The following NRG3 variants were observed in gnomAD, a reference collection of about 807,000 sequenced individuals.
NRG3 encodes the protein pro-neuregulin-3, membrane-bound isoform.
In NRG3, 31 loss-of-function variants were observed where a neutral mutation model predicts 66.9. The ratio of observed to expected loss-of-function variants is 0.46; its 90% CI spans 0.35 to 0.63. The LOEUF (loss-of-function observed/expected upper bound fraction) is 0.63, where lower values mean the gene tolerates loss of function less well. NRG3 is among the 20% of genes least tolerant of loss of function. The pLI is 0.00. For missense variants in NRG3, 910 were observed against 878.9 expected, an observed-to-expected ratio of 1.04 and a Z score of -0.45; for synonymous variants, 393 against 359.4, an observed-to-expected ratio of 1.09 and a Z score of -1.06.
chr10:82,461,464 AT>A (rs1175864086), intron 2 of NRG3, among the ~76,000 whole-genome samples: 2 of 151,838 alleles, frequency 1.3e-5, no homozygotes, highest in Non-Finnish European at 2.9e-5. Context: ...CATCCCTCCT[AT>A]TTGCTTTTTC....
intron 2 of NRG3, among the ~76,000 whole-genome samples, chr10:82,627,394 C>A (rs2133687015): frequency 6.6e-6 from 1 of 152,096 alleles, no homozygotes. Flanking sequence ...TTTTAATTAG[C>A]ATCTTGACTG....
intron 1 of NRG3, among the ~76,000 whole-genome samples, chr10:82,148,913 G>A (rs952523662): frequency 6.6e-6 from 1 of 151,828 alleles, no homozygotes; most frequent in Non-Finnish European, 1.5e-5. Context: ...TGAATTTCAG[G>A]GAGCCAAACT....
chr10:82,712,481 A>G (rs2056731900), intron 2 of NRG3, among the ~76,000 whole-genome samples: 1 of 152,190 alleles, frequency 6.6e-6, no homozygotes, highest in African/African-American at 2.4e-5. Flanking sequence ...TTGGTTAGCA[A>G]AAGGTTATGA....
intron 1 of NRG3, among the ~76,000 whole-genome samples, chr10:81,947,395 A>G (rs1848942064): frequency 1.3e-5 from 2 of 152,140 alleles, no homozygotes. Flanking sequence ...GAGGTACACA[A>G]TTCAACTCAC....
intron 1 of NRG3, among the ~76,000 whole-genome samples, chr10:82,090,134 G>A (rs141058833): frequency 2.0e-4 from 31 of 152,180 alleles, no homozygotes; most frequent in African/African-American, 7.5e-4. Context: ...GACTACAGAC[G>A]CACGTTACCA....
At chr10:82,215,693 T>C (rs2075629568) in intron 1 of NRG3, among the ~76,000 whole-genome samples, 1 of 152,212 alleles carries the variant, frequency 6.6e-6, no homozygotes, top group Non-Finnish European at 1.5e-5. Flanking sequence ...AGACTTCTGT[T>C]GACAACACTA....
intron 1 of NRG3, among the ~76,000 whole-genome samples, chr10:82,106,131 T>G (rs7088520): frequency 0.26 from 38,937 of 151,986 alleles, 5,401 homozygotes; most frequent in African/African-American, 0.36. Flanking sequence ...CACTGCAGCC[T>G]AGTTAGCAAG....
intron 3 of NRG3, among the ~76,000 whole-genome samples, chr10:82,830,374 C>G (rs1237364048): frequency 6.6e-6 from 1 of 152,128 alleles, no homozygotes; most frequent in Non-Finnish European, 1.5e-5. Flanking sequence ...ATATCTTTTC[C>G]TTCTAGGACA....
intron 2 of NRG3, among the ~76,000 whole-genome samples, chr10:82,432,053 A>G (rs899200639): frequency 5.3e-5 from 8 of 152,210 alleles, no homozygotes; most frequent in African/African-American, 1.9e-4. Flanking sequence ...CAGCAAATAG[A>G]TTTACATACT....
intron 3 of NRG3, among the ~76,000 whole-genome samples, chr10:82,840,669 G>T (rs536952095): frequency 3.3e-5 from 5 of 152,214 alleles, no homozygotes; most frequent in Admixed American, 1.3e-4. Context: ...AAGAACAAGG[G>T]TTTATTTTTC....
chr10:82,517,392 C>T (rs530962676), intron 2 of NRG3, among the ~76,000 whole-genome samples: 1 of 152,178 alleles, frequency 6.6e-6, no homozygotes, highest in African/African-American at 2.4e-5. Context: ...TACAATTATT[C>T]GTTTGATTTA....
intron 2 of NRG3, among the ~76,000 whole-genome samples, chr10:82,495,403 A>C (rs1843527766): frequency 6.6e-6 from 1 of 152,114 alleles, no homozygotes; most frequent in African/African-American, 2.4e-5. Flanking sequence ...ACAGTTCAGC[A>C]AACAGCTTTT....
chr10:81,995,017 C>A (rs2060883301), intron 1 of NRG3, among the ~76,000 whole-genome samples: 1 of 151,944 alleles, frequency 6.6e-6, no homozygotes, highest in South Asian at 2.1e-4. Flanking sequence ...TGAATTTGGT[C>A]TCTCAGATAT....
chr10:82,556,845 C>T (rs7901485), intron 2 of NRG3, among the ~76,000 whole-genome samples: 1 of 151,948 alleles, frequency 6.6e-6, no homozygotes, highest in African/African-American at 2.4e-5. Flanking sequence ...GCCTGTGTTC[C>T]TAAGTTCTCA....
intron 2 of NRG3, among the ~76,000 whole-genome samples, chr10:82,482,101 A>G (rs1842318525): frequency 6.6e-6 from 1 of 152,152 alleles, no homozygotes; most frequent in Non-Finnish European, 1.5e-5. Flanking sequence ...CCAAACATAT[A>G]CAAATAGGAA....
intron 2 of NRG3, among the ~76,000 whole-genome samples, chr10:82,449,484 C>A (rs1176620815): frequency 6.6e-6 from 1 of 152,144 alleles, no homozygotes; most frequent in African/African-American, 2.4e-5. Context: ...GCTGGTCTGG[C>A]TTCTGAGATT....
At chr10:82,324,045 T>C (rs146566820) in intron 1 of NRG3, among the ~76,000 whole-genome samples, 5,278 of 152,004 alleles carry the variant, frequency 0.035, 135 homozygotes, top group African/African-American at 0.076. Context: ...TTGTATTTTT[T>C]GTAGAGACGG....
At chr10:82,832,521 G>T (rs751546507) in intron 3 of NRG3, among the ~76,000 whole-genome samples, 8 of 152,130 alleles carry the variant, frequency 5.3e-5, no homozygotes, top group Non-Finnish European at 1.0e-4. Flanking sequence ...AATATTAAGG[G>T]AGTCTATATT....
chr10:82,720,867 C>T (rs1166903964), intron 2 of NRG3, among the ~76,000 whole-genome samples: 3 of 105,696 alleles, frequency 2.8e-5, no homozygotes, highest in Admixed American at 1.7e-4. Flanking sequence ...TTAACTGAAT[C>T]TCTCTCTCTC....
Sources: gnomAD v4.1 joint callset for allele counts (sites outside exome capture counted in the v4.1 genomes callset) on GRCh38, gnomAD v4.1.1 for gene constraint, MANE v1.5 for transcripts, NCBI Gene and HGNC (gene_info 2026-07-23, HGNC 2026-07-21) for gene names.